Variants in SLC5A12 observed in about 807,000 individuals in gnomAD.
SLC5A12 encodes the protein solute carrier family 5 member 12.
Under a neutral mutation model 72.7 loss-of-function variants are expected in SLC5A12, and 46 were observed. That is an observed-to-expected ratio of 0.63 (90% CI 0.50 to 0.81). The LOEUF is 0.81. Among genes scored for constraint, SLC5A12 ranks in the 30% least tolerant of loss-of-function variants. The probability of loss-of-function intolerance (pLI) is 0.00; values close to 1 mark genes in which losing one functional copy is unlikely to be tolerated. For missense variants in SLC5A12, 683 were observed against 740.7 expected (o/e 0.92, Z 0.90); for synonymous variants, 275 against 264.4 (o/e 1.04, Z -0.39).
chr11:26,696,314 C>A (rs1854811614), intron 8 of SLC5A12, among the ~76,000 whole-genome samples: 1 of 152,114 alleles, frequency 6.6e-6, no homozygotes, highest in Non-Finnish European at 1.5e-5. Flanking sequence ...ACAATAAATG[C>A]ATGAATGATT....
chr11:26,709,963 C>T (rs531249894), intron 3 of SLC5A12, among the ~76,000 whole-genome samples: 33 of 152,168 alleles, frequency 2.2e-4, no homozygotes, highest in African/African-American at 7.7e-4. Context: ...GTTTGCTACA[C>T]CCATCAACCC....
intron 13 of SLC5A12, among the ~76,000 whole-genome samples, chr11:26,676,873 C>T (rs1358388255): frequency 6.6e-6 from 1 of 151,764 alleles, no homozygotes; most frequent in Non-Finnish European, 1.5e-5. Context: ...TTCGAGGTGC[C>T]GTATTTTATC....
intron 3 of SLC5A12, among the ~76,000 whole-genome samples, chr11:26,710,212 C>T (rs1855190210): frequency 1.3e-5 from 2 of 152,140 alleles, no homozygotes; most frequent in African/African-American, 2.4e-5. Flanking sequence ...ATTTTTATGG[C>T]TGCATAGTAT....
At chr11:26,683,297 A>C (rs1399440174) in intron 11 of SLC5A12, among the ~76,000 whole-genome samples, 2 of 152,204 alleles carry the variant, frequency 1.3e-5, no homozygotes, top group African/African-American at 4.8e-5. Flanking sequence ...CAGCTGTCAG[A>C]ACCCAAGTTT....
chr11:26,698,948 A>G (rs189411427), intron 6 of SLC5A12, among the ~76,000 whole-genome samples: 172 of 152,298 alleles, frequency 1.1e-3, no homozygotes, highest in Middle Eastern at 3.4e-3. Context: ...TTCCAGAGAG[A>G]TAATGAGCTA....
At chr11:26,674,232 G>A (rs951466401) in intron 13 of SLC5A12, among the ~76,000 whole-genome samples, 37 of 152,036 alleles carry the variant, frequency 2.4e-4, no homozygotes, top group Non-Finnish European at 1.2e-4. Context: ...TATCATTCAA[G>A]GATAGTTATT....
In SLC5A12 at chr11:26,712,642, G is replaced by A. The variant is rs1024131347; in HGVS notation, c.404C>T (p.Thr135Met). The change falls in exon 2 of 15, where the codon ACG (threonine) becomes ATG (methionine). Residue 135 changes from threonine to methionine, a missense_variant and splice_region_variant. By Grantham distance (81) the Thr-to-Met change is moderately conservative. Transcript: ENST00000396005. ...YAATVIYIVQTILYTGVVVYA... is the reference protein window; with the variant it reads ...YAATVIYIVQMILYTGVVVYA... The stretch of plus-strand genomic sequence containing the variant: ...TCTGCAGCAGCCATGACCACTTACC[G>A]TCTGTACAATGTAGATGACCGTGGC... The A allele has an allele frequency of 5.8e-6, 9 of 1,547,078 alleles. No individual in the cohort carries two copies. Among genetic ancestry groups the A allele is most frequent in the East Asian group, 2.3e-5 (1 of 44,080 alleles).
rs774886522 is a variant in SLC5A12 at position 26,678,821 on chromosome 11, G to A, written c.1476-6C>T. On this transcript the variant is annotated splice_region_variant and splice_polypyrimidine_tract_variant and intron_variant, in intron 12 of 14. Transcript: ENST00000396005. Reference sequence around the variant, plus strand: ...AGGTATCAGCTATTCCAGGTCTGTGGAGAACAGCACATGTCACCAATTCCA... The same window carrying A: ...AGGTATCAGCTATTCCAGGTCTGTGAAGAACAGCACATGTCACCAATTCCA... 1.9e-6 allele frequency: 3 copies of A among 1,597,456 alleles called. No individual in the cohort carries two copies. The highest frequency in any genetic ancestry group is 2.6e-6 in the Non-Finnish European group (3 of 1,166,256).
At chr11:26,684,373 T>C (rs549884419) in intron 10 of SLC5A12, among the ~76,000 whole-genome samples, 1 of 152,166 alleles carries the variant, frequency 6.6e-6, no homozygotes, top group African/African-American at 2.4e-5. Flanking sequence ...CTGCTGACGA[T>C]AGCATTAATT....
At chr11:26,722,969 C>A (rs1855508367), upstream of SLC5A12, among the ~76,000 whole-genome samples, 3 of 151,518 alleles carry the variant, frequency 2.0e-5, no homozygotes, top group South Asian at 6.3e-4. Flanking sequence ...TTGTACTCAG[C>A]CATCATCTTG....
Position 26,671,096 on chromosome 11 carries a change from A to G in SLC5A12, c.*6T>C, listed in dbSNP as rs751255599. ...CGTGTGTGTGTGCATTCATACAGGT[A>G]TTGCCTTAGAAATGGGTAGTCTCAA... On this transcript the variant is annotated 3_prime_UTR_variant, in exon 15 of 15. Transcript: ENST00000396005. 3 of 1,603,522 alleles carry G rather than the reference A, an allele frequency of 1.9e-6. No individual in the cohort carries two copies. The highest frequency in any genetic ancestry group is 2.6e-6 in the Non-Finnish European group (3 of 1,174,022).
At chr11:26,717,299 G>A (rs1225431585) in intron 1 of SLC5A12, among the ~76,000 whole-genome samples, 2 of 152,060 alleles carry the variant, frequency 1.3e-5, no homozygotes, top group Non-Finnish European at 2.9e-5. Context: ...TAGTTCAGAA[G>A]CCAAGAAGTC....
chr11:26,683,962 T>C lies in SLC5A12; in HGVS notation c.1222-119A>G, dbSNP rs534549409. The C allele has an allele frequency of 7.2e-6, 5 of 693,238 alleles. No homozygotes were observed. In the Admixed American group the frequency reaches 1.2e-4, roughly 17 times the overall value. 42.9% of individuals were successfully genotyped at this position (693,238 alleles called of 1,614,324 possible). A position where few individuals can be genotyped will look rare whatever the true frequency, so the allele number is the denominator to read the frequency against. On this transcript the variant is annotated intron_variant, in intron 10 of 14. Transcript: ENST00000396005. The stretch of plus-strand genomic sequence containing the variant: ...GTCCTAGTCCTGACTGTGCCATTTG[T>C]TAATTATGTGCTTTCTATAAGTCAT...
chr11:26,678,176 G>C (rs1590707732), intron 13 of SLC5A12, among the ~76,000 whole-genome samples: 1 of 152,266 alleles, frequency 6.6e-6, no homozygotes, highest in East Asian at 1.9e-4. Context: ...CTGACTTCAT[G>C]AGATAGTAAG....
chr11:26,708,993 G>A, intron 4 of SLC5A12: 1 of 204,444 alleles, frequency 4.9e-6, no homozygotes, highest in Non-Finnish European at 9.9e-6. Flanking sequence ...TGAGGGCCAT[G>A]AATGAATAAA....
chr11:26,683,546 G>T (rs962450261), intron 11 of SLC5A12, among the ~76,000 whole-genome samples: 1 of 152,190 alleles, frequency 6.6e-6, no homozygotes, highest in Non-Finnish European at 1.5e-5. Context: ...ATATGTGGCA[G>T]TTCATAACTA....
intron 1 of SLC5A12, among the ~76,000 whole-genome samples, chr11:26,713,021 AT>A (rs1019485748): frequency 6.6e-6 from 1 of 152,024 alleles, no homozygotes; most frequent in Admixed American, 6.6e-5. Flanking sequence ...GTTTCCTTTT[AT>A]ATCTTTGCTG....
At chr11:26,682,052 C>G (rs1278691810) in intron 11 of SLC5A12, among the ~76,000 whole-genome samples, 1 of 151,776 alleles carries the variant, frequency 6.6e-6, no homozygotes, top group African/African-American at 2.4e-5. Context: ...ATATAACAGT[C>G]AGACAATAAA....
At chr11:26,680,107 C>T (rs1854357565) in intron 12 of SLC5A12, among the ~76,000 whole-genome samples, 1 of 151,316 alleles carries the variant, frequency 6.6e-6, no homozygotes, top group South Asian at 2.1e-4. Flanking sequence ...GAAGCCTGGA[C>T]TCAGAGGGAA....
Sources: allele counts gnomAD v4.1 joint callset (sites outside exome capture counted in the v4.1 genomes callset), GRCh38; gene constraint gnomAD v4.1.1; transcripts MANE v1.5; gene names NCBI Gene and HGNC (gene_info 2026-07-23, HGNC 2026-07-21).